Variants in GPC6 observed in about 807,000 individuals in gnomAD.
GPC6 encodes glypican-6.
GPC6 carries 14 observed loss-of-function variants against 55.2 expected under a neutral mutation model. The observed-to-expected ratio is 0.25, with a 90% CI of 0.17 to 0.40. GPC6 has a LOEUF of 0.40. Among genes scored for constraint, GPC6 ranks in the 10% least tolerant of loss-of-function variants. The pLI is 1.00. For missense variants in GPC6, 641 were observed against 708.5 expected, an observed-to-expected ratio of 0.90 and a Z score of 1.08; for synonymous variants, 278 against 259.6, an observed-to-expected ratio of 1.07 and a Z score of -0.68.
At chr13:94,362,959 G>T (rs1018410622) in intron 6 of GPC6, among the ~76,000 whole-genome samples, 1 of 152,110 alleles carries the variant, frequency 6.6e-6, no homozygotes, top group Admixed American at 6.5e-5. Flanking sequence ...GTGCCATGGT[G>T]GTTTGCTGCA....
intron 2 of GPC6, among the ~76,000 whole-genome samples, chr13:93,629,975 A>G (rs771098613): frequency 1.3e-5 from 2 of 152,210 alleles, no homozygotes; most frequent in African/African-American, 2.4e-5. Context: ...AGAAATGTCA[A>G]TGATAATTGT....
intron 4 of GPC6, among the ~76,000 whole-genome samples, chr13:94,236,177 T>C (rs1251457571): frequency 6.6e-6 from 1 of 152,126 alleles, no homozygotes; most frequent in Non-Finnish European, 1.5e-5. Context: ...TTGGAATGTG[T>C]TTCATCATTA....
At chr13:94,194,889 C>G (rs1457886801) in intron 4 of GPC6, among the ~76,000 whole-genome samples, 3 of 151,490 alleles carry the variant, frequency 2.0e-5, no homozygotes, top group Non-Finnish European at 4.4e-5. Context: ...GTGTGTGTAT[C>G]TGTAGATGAG....
At chr13:93,891,323 C>A (rs139539396) in intron 3 of GPC6, among the ~76,000 whole-genome samples, 1 of 152,060 alleles carries the variant, frequency 6.6e-6, no homozygotes, top group Admixed American at 6.6e-5. Context: ...TTATTTCAAA[C>A]GTAGGTGAGG....
At chr13:94,226,411 G>A (rs1015943990) in intron 4 of GPC6, among the ~76,000 whole-genome samples, 1 of 152,100 alleles carries the variant, frequency 6.6e-6, no homozygotes, top group Admixed American at 6.6e-5. Context: ...AAAATAGCTA[G>A]AAGAGAGGAT....
chr13:93,379,532 A>G (rs1168949147), intron 1 of GPC6, among the ~76,000 whole-genome samples: 5 of 152,192 alleles, frequency 3.3e-5, no homozygotes, highest in African/African-American at 1.2e-4. Context: ...TGAAGGAATC[A>G]AAATACATGG....
intron 4 of GPC6, among the ~76,000 whole-genome samples, chr13:94,079,535 G>T (rs1166754376): frequency 1.3e-5 from 2 of 152,130 alleles, no homozygotes; most frequent in African/African-American, 4.8e-5. Context: ...GTTGAGGACA[G>T]TTATTTCACC....
chr13:94,143,590 G>C (rs1206963082), intron 4 of GPC6, among the ~76,000 whole-genome samples: 1 of 145,122 alleles, frequency 6.9e-6, no homozygotes, highest in Non-Finnish European at 1.6e-5. Flanking sequence ...GCCTGAAAGA[G>C]AGTATAAAGG....
At chr13:93,890,716 ATT>A (rs35783811) in intron 3 of GPC6, among the ~76,000 whole-genome samples, 7 of 125,370 alleles carry the variant, frequency 5.6e-5, no homozygotes, top group Non-Finnish European at 6.5e-5. Context: ...ATTTTACTTA[ATT>A]TTTTTTTTTT....
At chr13:93,425,644 G>A (rs942208396) in intron 1 of GPC6, among the ~76,000 whole-genome samples, 1 of 152,186 alleles carries the variant, frequency 6.6e-6, no homozygotes, top group Non-Finnish European at 1.5e-5. Context: ...AGTAATCTCA[G>A]AAGAGAGTTT....
rs575144384 is a variant in GPC6 at position 93,547,566 on chromosome 13, T to C, written c.319+2145T>C. ...TGTTCTAATGTGCCTAAGGGTATGA[T>C]GTCAATCAGTTTGACAGGACATTGA... On this transcript the variant is annotated intron_variant, in intron 2 of 8. Coordinates refer to ENST00000377047, the MANE Select transcript of GPC6 (RefSeq NM_005708.5). Among the ~76,000 whole-genome samples the C allele has an allele frequency of 5.9e-4, 90 of 152,318 alleles. 1 individual carries two copies. The highest frequency in any genetic ancestry group is 2.0e-3 in the African/African-American group (85 of 41,586).
chr13:94,395,904 C>T (rs1393556165), intron 7 of GPC6, among the ~76,000 whole-genome samples: 1 of 152,198 alleles, frequency 6.6e-6, no homozygotes, highest in Non-Finnish European at 1.5e-5. Flanking sequence ...GGACCCTCTA[C>T]AAGCTATATC....
At chr13:94,195,486 T>C (rs1448709513) in intron 4 of GPC6, among the ~76,000 whole-genome samples, 1 of 152,226 alleles carries the variant, frequency 6.6e-6, no homozygotes, top group African/African-American at 2.4e-5. Flanking sequence ...CAGTTGATTT[T>C]CCTTACATAG....
intron 3 of GPC6, among the ~76,000 whole-genome samples, chr13:94,018,952 C>A (rs1222361438): frequency 6.6e-6 from 1 of 152,174 alleles, no homozygotes; most frequent in African/African-American, 2.4e-5. Flanking sequence ...CACCCCCACA[C>A]CTGTCCACGG....
In GPC6 at chr13:94,007,819, A is replaced by G. The variant is rs554868601; in HGVS notation, c.712-19910A>G. Among the ~76,000 whole-genome samples the G allele has an allele frequency of 6.4e-4, 98 of 152,064 alleles. 1 individual carries two copies. The South Asian group carries it at 0.02, about 32-fold the overall frequency. On this transcript the variant is annotated intron_variant, in intron 3 of 8. Coordinates refer to ENST00000377047, the MANE Select transcript of GPC6 (RefSeq NM_005708.5). The stretch of plus-strand genomic sequence containing the variant: ...CCAATAACTTATGTATAAGTTGTCT[A>G]TTTTTTAGTGTTTACAGGGACATTT...
At chr13:94,286,803 A>T (rs1361950631) in intron 5 of GPC6, among the ~76,000 whole-genome samples, 3 of 152,192 alleles carry the variant, frequency 2.0e-5, no homozygotes, top group East Asian at 3.8e-4. Flanking sequence ...AATGTTTGAA[A>T]TGTCTGCACA....
chr13:93,391,536 G>T (rs1263340753), intron 1 of GPC6, among the ~76,000 whole-genome samples: 1 of 152,182 alleles, frequency 6.6e-6, no homozygotes, highest in African/African-American at 2.4e-5. Context: ...GCTTTGTACA[G>T]TACAGGTTTT....
intron 2 of GPC6, among the ~76,000 whole-genome samples, chr13:93,732,645 A>G (rs183391120): frequency 6.6e-6 from 1 of 152,282 alleles, no homozygotes; most frequent in African/African-American, 2.4e-5. Context: ...GGGTTTCTGA[A>G]ACAAATTCAA....
At chr13:93,701,200 C>A (rs1006937542) in intron 2 of GPC6, among the ~76,000 whole-genome samples, 2 of 151,910 alleles carry the variant, frequency 1.3e-5, no homozygotes, top group Non-Finnish European at 2.9e-5. Context: ...AACACAAAAA[C>A]CAAAGAGAAG....
Sources: allele counts gnomAD v4.1 joint callset (sites outside exome capture counted in the v4.1 genomes callset), GRCh38; gene constraint gnomAD v4.1.1; transcripts MANE v1.5; gene names NCBI Gene and HGNC (gene_info 2026-07-23, HGNC 2026-07-21).